The following SEMA6D variants were observed in gnomAD, a reference collection of about 807,000 sequenced individuals.
The protein encoded by SEMA6D is semaphorin-6D.
Under a neutral mutation model 106.6 loss-of-function variants are expected in SEMA6D, and 35 were observed. The observed-to-expected ratio is 0.33, with a 90% confidence interval of 0.25 to 0.44. The LOEUF is 0.44. Ranked by LOEUF, SEMA6D falls within the 20% of genes least tolerant of loss-of-function variation. The pLI, the probability that SEMA6D is intolerant of heterozygous loss-of-function variation, is 1.00. For synonymous variants in SEMA6D, 499 were observed against 487.7 expected, an observed-to-expected ratio of 1.02 and a Z score of -0.31; for missense variants, 1,185 against 1,345.9, an observed-to-expected ratio of 0.88 and a Z score of 1.87.
intron 1 of SEMA6D, among the ~76,000 whole-genome samples, chr15:47,267,047 C>A (rs897284730): frequency 6.6e-6 from 1 of 152,040 alleles, no homozygotes; most frequent in Non-Finnish European, 1.5e-5. Flanking sequence ...TCTACCGGGG[C>A]TTTCTTTATT....
chr15:47,538,717 T>G (rs2045256496), intron 3 of SEMA6D, among the ~76,000 whole-genome samples: 1 of 152,186 alleles, frequency 6.6e-6, no homozygotes, highest in South Asian at 2.1e-4. Context: ...AAAATAAGTC[T>G]TTTTTATTGA....
At chr15:47,493,362 TG>T (rs2043532797) in intron 3 of SEMA6D, among the ~76,000 whole-genome samples, 1 of 152,200 alleles carries the variant, frequency 6.6e-6, no homozygotes, top group African/African-American at 2.4e-5. Context: ...GTGGTCTTTT[TG>T]TTGGCAAGTA....
chr15:47,767,233 C>T (rs2082393814), intron 17 of SEMA6D, 140 bp downstream of exon 17: 1 of 555,810 alleles, frequency 1.8e-6, no homozygotes. Flanking sequence ...CTGATGGTAC[C>T]AAAAGACTTT....
chr15:47,544,797 G>C (rs1003047074), intron 3 of SEMA6D, among the ~76,000 whole-genome samples: 1 of 151,590 alleles, frequency 6.6e-6, no homozygotes, highest in Non-Finnish European at 1.5e-5. Context: ...AAGTAGGGGT[G>C]GGGGGACTCG....
intron 2 of SEMA6D, among the ~76,000 whole-genome samples, chr15:47,454,703 C>A (rs563854858): frequency 6.6e-6 from 1 of 151,906 alleles, no homozygotes; most frequent in South Asian, 2.1e-4. Flanking sequence ...CCTCAGCAAC[C>A]TAATATGCCA....
chr15:47,353,949 A>C (rs1389583289), intron 1 of SEMA6D, among the ~76,000 whole-genome samples: 1 of 152,112 alleles, frequency 6.6e-6, no homozygotes. Context: ...ATGAGTTTCA[A>C]GATTTTGAAA....
chr15:47,735,703 C>T (rs1474364431), intron 1 of SEMA6D, among the ~76,000 whole-genome samples: 1 of 152,136 alleles, frequency 6.6e-6, no homozygotes, highest in African/African-American at 2.4e-5. Flanking sequence ...TCTAATCACC[C>T]GCCTAAACGT....
intron 1 of SEMA6D, among the ~76,000 whole-genome samples, chr15:47,320,783 T>G (rs2036893505): frequency 6.6e-6 from 1 of 152,156 alleles, no homozygotes. Context: ...AGAAATCAAG[T>G]GTCTCCTATT....
chr15:47,718,923 G>A (rs1260341449), intron 1 of SEMA6D: 1 of 152,178 alleles, frequency 6.6e-6, no homozygotes, highest in Admixed American at 6.5e-5. Flanking sequence ...TTTGTCCCTG[G>A]TCTGCAGAAA....
intron 1 of SEMA6D, among the ~76,000 whole-genome samples, chr15:47,372,603 C>G (rs1166110290): frequency 6.6e-6 from 1 of 151,584 alleles, no homozygotes; most frequent in Non-Finnish European, 1.5e-5. Context: ...TCTCTGAGCC[C>G]CTTTGGTACA....
chr15:47,500,802 A>G (rs886095789), intron 3 of SEMA6D, among the ~76,000 whole-genome samples: 16 of 152,180 alleles, frequency 1.1e-4, no homozygotes, highest in African/African-American at 3.6e-4. Context: ...AACAGAGTCA[A>G]TTGGTTCAGA....
At chr15:47,438,079 A>T (rs114692141) in intron 2 of SEMA6D, among the ~76,000 whole-genome samples, 1 of 152,132 alleles carries the variant, frequency 6.6e-6, no homozygotes, top group Non-Finnish European at 1.5e-5. Context: ...GATATTTCCC[A>T]CAAAGGTTAT....
chr15:47,355,693 G>GA (rs1023030707), intron 1 of SEMA6D, among the ~76,000 whole-genome samples: 1 of 152,088 alleles, frequency 6.6e-6, no homozygotes, highest in Non-Finnish European at 1.5e-5. Flanking sequence ...CTTTGGGAAG[G>GA]AAAAAATAAA....
chr15:47,567,671 A>G (rs1463089351), intron 3 of SEMA6D, among the ~76,000 whole-genome samples: 1 of 152,130 alleles, frequency 6.6e-6, no homozygotes, highest in Non-Finnish European at 1.5e-5. Context: ...ATTTCCTTCT[A>G]GTTCTTATAA....
rs183219427 is a variant in SEMA6D at position 47,551,721 on chromosome 15, G to C, written c.-86-49144G>C. On this transcript the variant is annotated intron_variant, in intron 3 of 19. Coordinates refer to the SEMA6D transcript ENST00000558014. Reference sequence around the variant, plus strand: ...TGTGTCCCCTTATGCACCTGCATTTGAATGCTGTGGTATTAACATCCATTA... The same window carrying C: ...TGTGTCCCCTTATGCACCTGCATTTCAATGCTGTGGTATTAACATCCATTA... Among the ~76,000 whole-genome samples the C allele has an allele frequency of 3.1e-3, 343 of 110,334 alleles. 1 individual carries two copies. Among genetic ancestry groups the C allele is most frequent in the Non-Finnish European group, 3.6e-3 (185 of 51,522 alleles). The allele number at this position is 110,334 out of a possible 152,430, so 72.4% of individuals were successfully genotyped here. A position where few individuals can be genotyped will look rare whatever the true frequency, so the allele number is the denominator to read the frequency against.
chr15:47,264,858 T>C (rs2034244393), intron 1 of SEMA6D, among the ~76,000 whole-genome samples: 1 of 152,222 alleles, frequency 6.6e-6, no homozygotes, highest in East Asian at 1.9e-4. Context: ...TTTTCTGTGA[T>C]TTTTGAGATA....
At chr15:47,437,433 A>C (rs899526242) in intron 2 of SEMA6D, among the ~76,000 whole-genome samples, 2 of 152,112 alleles carry the variant, frequency 1.3e-5, no homozygotes, top group Admixed American at 1.3e-4. Flanking sequence ...ATGTCAGAAA[A>C]GTTTTTGAAT....
chr15:47,592,863 G>A (rs963223975), intron 3 of SEMA6D, among the ~76,000 whole-genome samples: 1 of 152,096 alleles, frequency 6.6e-6, no homozygotes, highest in Non-Finnish European at 1.5e-5. Flanking sequence ...AACAATGTTG[G>A]CAATCACCTT....
chr15:47,720,683 C>G (rs1426557561), intron 1 of SEMA6D, among the ~76,000 whole-genome samples: 1 of 152,182 alleles, frequency 6.6e-6, no homozygotes, highest in African/African-American at 2.4e-5. Context: ...CCTTGATTCA[C>G]AAAGATGGCC....
Sources: gnomAD v4.1 joint callset for allele counts (sites outside exome capture counted in the v4.1 genomes callset) on GRCh38, gnomAD v4.1.1 for gene constraint, MANE v1.5 for transcripts, NCBI Gene and HGNC (gene_info 2026-07-23, HGNC 2026-07-21) for gene names.